FBN1: variants seen among roughly 807,000 people sequenced by gnomAD.
The protein encoded by FBN1 is fibrillin-1.
A neutral mutation model predicts 365.1 loss-of-function variants in FBN1; 29 were observed. The observed-to-expected ratio is 0.08, with a 90% confidence interval of 0.06 to 0.11. The LOEUF is 0.11. FBN1 is among the 10% of genes least tolerant of loss of function. FBN1 has a pLI of 1.00. For missense variants in FBN1, 2,476 were observed against 3,703.2 expected, an observed-to-expected ratio of 0.67 and a Z score of 8.60; for synonymous variants, 1,210 against 1,270.5, an observed-to-expected ratio of 0.95 and a Z score of 1.01.
At chr15:48,596,183 A>G (rs1478774311) in intron 6 of FBN1, 100 bp downstream of exon 6, 20 of 1,054,228 alleles carry the variant, frequency 1.9e-5, no homozygotes, top group Non-Finnish European at 7.3e-6. Context: ...AAAGCTCAGC[A>G]ACATTCAGGA....
At chr15:48,602,678 C>T (rs1177344062) in intron 4 of FBN1, among the ~76,000 whole-genome samples, 1 of 152,132 alleles carries the variant, frequency 6.6e-6, no homozygotes, top group Admixed American at 6.5e-5. Flanking sequence ...ACCCCGGAAA[C>T]TGATTGCAGT....
chr15:48,444,245 C>T lies in FBN1; in HGVS notation c.6037+296G>A, dbSNP rs79162789. On this transcript the variant is annotated intron_variant, in intron 49 of 65. Coordinates refer to ENST00000316623, the MANE Select transcript of FBN1 (RefSeq NM_000138.5). The stretch of plus-strand genomic sequence containing the variant: ...GAATCGCCACTTAAAAAATGTAGTT[C>T]GGAAATACTGGGAGTAGGACACAGC... Among the ~76,000 whole-genome samples the T allele has an allele frequency of 5.2e-3, 795 of 152,164 alleles. 4 individuals carry two copies. Among genetic ancestry groups the T allele is most frequent in the African/African-American group, 0.018 (762 of 41,512 alleles).
chr15:48,408,769 T>C lies in FBN1; in HGVS notation c.*2221A>G, dbSNP rs886051226. ...TCAAAATTGTTGGCTCAGGAATAAA[T>C]AAAATCCAGACTTGGACTATTAAAA... On this transcript the variant is annotated 3_prime_UTR_variant, in exon 66 of 66. Transcript: ENST00000316623. 3.3e-5 allele frequency: 5 copies of C among 152,598 alleles called. No individual in the cohort carries two copies. The highest frequency in any genetic ancestry group is 5.9e-5 in the Non-Finnish European group (4 of 68,004). 9.5% of individuals were successfully genotyped at this position (152,598 alleles called of 1,614,324 possible). A position where few individuals can be genotyped will look rare whatever the true frequency, so the allele number is the denominator to read the frequency against.
chr15:48,435,586 A>G (rs1406245570), intron 53 of FBN1, among the ~76,000 whole-genome samples: 1 of 152,074 alleles, frequency 6.6e-6, no homozygotes, highest in African/African-American at 2.4e-5. Flanking sequence ...GGAAGAGGAA[A>G]GGCTAGAAAA....
rs1293997632 is a variant in FBN1, at chr15:48,572,581, T to A, written c.538+23702A>T. Reference sequence around the variant, plus strand: ...GAAGCAAAGAGCCCCCAAGGATCAGTACTGGGGATTGTCTAAAACGGCATT... The same window carrying A: ...GAAGCAAAGAGCCCCCAAGGATCAGAACTGGGGATTGTCTAAAACGGCATT... On this transcript the variant is annotated intron_variant, in intron 6 of 65. Coordinates refer to ENST00000316623, the MANE Select transcript of FBN1 (RefSeq NM_000138.5). Among the ~76,000 whole-genome samples the A allele has an allele frequency of 3.3e-5, 5 of 150,184 alleles. No individual in the cohort carries two copies. In the South Asian group the frequency reaches 1.0e-3, roughly 31 times the overall value.
chr15:48,566,895 C>T (rs563991610), intron 6 of FBN1, among the ~76,000 whole-genome samples: 10 of 152,318 alleles, frequency 6.6e-5, no homozygotes, highest in East Asian at 3.9e-4. Context: ...ATCACATTTA[C>T]GTTGCTGTCT....
At chr15:48,569,778 GC>G in intron 6 of FBN1, among the ~76,000 whole-genome samples, 1 of 152,256 alleles carries the variant, frequency 6.6e-6, no homozygotes, top group South Asian at 2.1e-4. Context: ...ATTAGTGGTT[GC>G]CCAGGGCTCT....
chr15:48,506,129 G>A (rs1020056945), intron 15 of FBN1, among the ~76,000 whole-genome samples: 2 of 152,036 alleles, frequency 1.3e-5, no homozygotes, highest in Admixed American at 6.6e-5. Flanking sequence ...AGGCTGAGGC[G>A]CAAGAATTAC....
intron 50 of FBN1, among the ~76,000 whole-genome samples, chr15:48,439,779 CAGAG>C (rs1465855236): frequency 6.6e-6 from 1 of 152,088 alleles, no homozygotes; most frequent in African/African-American, 2.4e-5. Context: ...TGGCATTAGA[CAGAG>C]ACTCAAATGC....
intron 2 of FBN1, among the ~76,000 whole-genome samples, chr15:48,626,354 AAC>A (rs2140758100): frequency 6.6e-6 from 1 of 152,332 alleles, no homozygotes; most frequent in South Asian, 2.1e-4. Flanking sequence ...GAAAAAATCT[AAC>A]ACATAACAAC....
Position 48,524,341 on chromosome 15 carries a change from C to G in FBN1, c.988+1789G>C, listed in dbSNP as rs185667329. Among the ~76,000 whole-genome samples, 14 of 152,296 alleles carry G rather than the reference C, an allele frequency of 9.2e-5. No individual in the cohort carries two copies. In the East Asian group the frequency reaches 2.5e-3, roughly 27 times the overall value. ...TGTGCACGGAAGATACTGCATACCACTATCTACATAGGAGGTTTTCTATTG... is the reference window on the plus strand; with the variant it reads ...TGTGCACGGAAGATACTGCATACCAGTATCTACATAGGAGGTTTTCTATTG... On this transcript the variant is annotated intron_variant, in intron 9 of 65. Transcript: ENST00000316623.
chr15:48,420,943 G>T, intron 62 of FBN1, 137 bp from the exon 63 acceptor site: 1 of 953,062 alleles, frequency 1.0e-6, no homozygotes, highest in Non-Finnish European at 1.6e-6. Flanking sequence ...CTCTCTTCTG[G>T]AACTGCTGCT....
chr15:48,504,219 T>C (rs1407476626), intron 16 of FBN1, among the ~76,000 whole-genome samples: 1 of 152,244 alleles, frequency 6.6e-6, no homozygotes, highest in Admixed American at 6.5e-5. Context: ...TGGAATTATA[T>C]CTCACTTATT....
chr15:48,515,242 TAC>T (rs1157647051), intron 12 of FBN1, 143 bp downstream of exon 12: 2 of 857,120 alleles, frequency 2.3e-6, no homozygotes, highest in Non-Finnish European at 3.7e-6. Flanking sequence ...ACTACTAACC[TAC>T]AGAGCTGAAA....
chr15:48,450,217 A>G (rs957902841), intron 45 of FBN1, among the ~76,000 whole-genome samples: 2 of 152,208 alleles, frequency 1.3e-5, no homozygotes, highest in African/African-American at 4.8e-5. Context: ...AGTTGGCCCA[A>G]AACTTTGGCA....
At chr15:48,645,338 G>T (rs957129844) in intron 1 of FBN1, among the ~76,000 whole-genome samples, 1 of 152,160 alleles carries the variant, frequency 6.6e-6, no homozygotes, top group Non-Finnish European at 1.5e-5. Context: ...CGTCCCCGCC[G>T]ACTCCGGGCG....
intron 31 of FBN1, 70 bp downstream of exon 31, chr15:48,483,748 T>C (rs1489170417): frequency 6.3e-7 from 1 of 1,584,470 alleles, no homozygotes; most frequent in African/African-American, 1.3e-5. Flanking sequence ...TGACCCAAAC[T>C]AACTTTATGT....
chr15:48,570,088 T>C (rs528281549), intron 6 of FBN1, among the ~76,000 whole-genome samples: 21 of 152,332 alleles, frequency 1.4e-4, no homozygotes, highest in African/African-American at 5.1e-4. Context: ...ATTCTACTTC[T>C]ATCTCAACTG....
chr15:48,523,358 C>T (rs2043876964), intron 9 of FBN1, among the ~76,000 whole-genome samples: 1 of 152,148 alleles, frequency 6.6e-6, no homozygotes, highest in Non-Finnish European at 1.5e-5. Context: ...CATGTTATTG[C>T]CCATCTGGCT....
Sources: gnomAD v4.1 joint callset for allele counts (sites outside exome capture counted in the v4.1 genomes callset) on GRCh38, gnomAD v4.1.1 for gene constraint, MANE v1.5 for transcripts, NCBI Gene and HGNC (gene_info 2026-07-23, HGNC 2026-07-21) for gene names.